CDC16: variants seen among roughly 807,000 people sequenced by gnomAD.
The protein encoded by CDC16 is cell division cycle 16.
A neutral mutation model predicts 87.0 loss-of-function variants in CDC16; 34 were observed. That is an observed-to-expected ratio of 0.39 (90% CI 0.30 to 0.52). The LOEUF (loss-of-function observed/expected upper bound fraction) is 0.52, where lower values mean the gene tolerates loss of function less well. CDC16 is among the 20% of genes least tolerant of loss of function. The pLI, the probability that CDC16 is intolerant of heterozygous loss-of-function variation, is 0.74. For missense variants in CDC16, 653 were observed against 751.9 expected (o/e 0.87, Z 1.54); for synonymous variants, 263 against 260.6 (o/e 1.01, Z -0.09).
intron 1 of CDC16, 46 bp from the exon 2 acceptor site, chr13:114,236,597 ATT>A (rs747949412): frequency 3.2e-6 from 5 of 1,552,546 alleles, no homozygotes; most frequent in Non-Finnish European, 4.4e-6. Flanking sequence ...GTTTAAGACT[ATT>A]AAAATAACAG....
chr13:114,239,253 A>G (rs2138865566), intron 4 of CDC16, 97 bp from the exon 5 acceptor site: 1 of 1,497,780 alleles, frequency 6.7e-7, no homozygotes, highest in Non-Finnish European at 9.0e-7. Context: ...TCACATTTAA[A>G]TAATGGGCAT....
rs2081403490 is a variant in CDC16 at position 114,238,988 on chromosome 13, A to C, written c.202-2A>C. On this transcript the variant is annotated splice_acceptor_variant, in intron 3 of 17. Coordinates refer to ENST00000356221, the MANE Select transcript of CDC16 (RefSeq NM_001078645.3). LOFTEE classifies it high-confidence loss of function. ...ACTTAAACAAATTAATTTCTTTCCT[A>C]GTTGTATGAAGCATGTCGTTACCTT... The C allele has an allele frequency of 6.2e-7, 1 of 1,609,758 alleles. No homozygotes were observed. Among genetic ancestry groups the C allele is most frequent in the African/African-American group, 1.3e-5 (1 of 74,834 alleles).
intron 16 of CDC16, chr13:114,264,144 A>G (rs1233580805): frequency 6.6e-6 from 1 of 152,210 alleles, no homozygotes; most frequent in Non-Finnish European, 1.5e-5. Flanking sequence ...TCACCAGAAC[A>G]CTGAGTTTGT....
At chr13:114,254,507 T>G (rs903068812) in intron 12 of CDC16, among the ~76,000 whole-genome samples, 3 of 152,224 alleles carry the variant, frequency 2.0e-5, no homozygotes, top group Non-Finnish European at 1.5e-5. Context: ...CCGATATAGC[T>G]GTTTCCTCTT....
rs1392689389 is a variant in CDC16, at chr13:114,262,949, T to A, written c.1447T>A (p.Ser483Thr). ...VLIPQNASTY[S>T]AIGYIHSLMG... ...GATTCCTCAGAACGCATCCACCTACTCTGCTATTGGATATATCCACAGTCT... is the reference window on the plus strand; with the variant it reads ...GATTCCTCAGAACGCATCCACCTACACTGCTATTGGATATATCCACAGTCT... Residue 483 changes from serine (S) to threonine (T), a missense_variant, in exon 16 of 18, where the codon TCT (serine) becomes ACT (threonine). Transcript: ENST00000356221. 1 of 1,613,086 alleles carries A rather than the reference T, an allele frequency of 6.2e-7. No homozygotes were observed. Among genetic ancestry groups the A allele is most frequent in the Non-Finnish European group, 8.5e-7 (1 of 1,178,980 alleles).
Position 114,238,968 on chromosome 13 carries a change from AAC to A in CDC16, c.202-20_202-19del. The A allele has an allele frequency of 1.9e-6, 3 of 1,607,008 alleles. No homozygotes were observed. The highest frequency in any genetic ancestry group is 2.6e-6 in the Non-Finnish European group (3 of 1,175,322). ...TACATATTATTTTGACCACTACTTA[AAC>A]AAATTAATTTCTTTCCTAGTTGTAT... On this transcript the variant is annotated intron_variant, in intron 3 of 17. Coordinates refer to ENST00000356221, the MANE Select transcript of CDC16 (RefSeq NM_001078645.3).
intron 8 of CDC16, among the ~76,000 whole-genome samples, chr13:114,244,198 TG>T (rs2081720300): frequency 6.6e-6 from 1 of 152,244 alleles, no homozygotes; most frequent in Admixed American, 6.5e-5. Flanking sequence ...TACATTAACT[TG>T]GGAGGGATAT....
intron 17 of CDC16, among the ~76,000 whole-genome samples, chr13:114,269,449 C>A (rs1430846517): frequency 2.0e-5 from 3 of 152,034 alleles, no homozygotes; most frequent in African/African-American, 7.3e-5. Flanking sequence ...GATGATTGAC[C>A]ATACTGATTT....
At chr13:114,266,118 C>T (rs1206590765) in intron 17 of CDC16, among the ~76,000 whole-genome samples, 1 of 152,166 alleles carries the variant, frequency 6.6e-6, no homozygotes, top group Non-Finnish European at 1.5e-5. Flanking sequence ...CGCCCAGCCC[C>T]TACTAAAGTA....
chr13:114,235,100 C>T lies in CDC16; in HGVS notation c.16C>T (p.Leu6=), dbSNP rs1050092233. 5 of 1,245,626 alleles carry T rather than the reference C, an allele frequency of 4.0e-6. No individual in the cohort carries two copies. Among genetic ancestry groups the T allele is most frequent in the Non-Finnish European group, 2.0e-6 (2 of 995,424 alleles). 77.2% of individuals were successfully genotyped at this position (1,245,626 alleles called of 1,614,324 possible). ...CCGCGCCGCCATGAACCTAGAGCGG[C>T]TGCGGAAGCGCGTCCGGCAGTACCT... The part of the protein sequence containing the change: MNLER[L]RKRVRQYLDQ... The change falls in exon 1 of 18, where the codon CTG becomes TTG. Residue 6 remains leucine (L), a synonymous_variant. Coordinates refer to ENST00000356221, the MANE Select transcript of CDC16 (RefSeq NM_001078645.3).
Position 114,272,313 on chromosome 13 carries a change from C to T in CDC16, c.1733C>T (p.Thr578Met), listed in dbSNP as rs773269949. The change falls in exon 18 of 18, where the codon ACG becomes ATG. Residue 578 changes from threonine (T) to methionine (M), a missense_variant. Physicochemically the swap from Thr to Met is moderately conservative, Grantham distance 81 (BLOSUM62 -1). Transcript: ENST00000356221. ...GTAGAAAAACAGACTGCAGAAGAAA[C>T]GGGGCTTACGCCATTGGAAACCTCA... The part of the protein sequence containing the change: ...FEVEKQTAEE[T>M]GLTPLETSRK... 22 of 1,614,184 alleles carry T rather than the reference C, an allele frequency of 1.4e-5. No homozygotes were observed. In the Middle Eastern group the frequency reaches 5.0e-4, roughly 36 times the overall value.
chr13:114,253,372 C>T (rs190205907), intron 12 of CDC16, among the ~76,000 whole-genome samples: 57 of 152,024 alleles, frequency 3.7e-4, no homozygotes, highest in African/African-American at 1.2e-3. Flanking sequence ...GAACATACTT[C>T]GTGTGATTTT....
At chr13:114,270,868 TAATG>T (rs1206318684) in intron 17 of CDC16, among the ~76,000 whole-genome samples, 9 of 151,508 alleles carry the variant, frequency 5.9e-5, no homozygotes, top group Non-Finnish European at 7.4e-5. Flanking sequence ...AGAGAGTTGA[TAATG>T]AGTCAGAGGG....
At chr13:114,264,568 G>T (rs2083072134) in intron 16 of CDC16, among the ~76,000 whole-genome samples, 1 of 150,928 alleles carries the variant, frequency 6.6e-6, no homozygotes. Context: ...CAAAAAAAAA[G>T]GAAAAAAATA....
intron 16 of CDC16, among the ~76,000 whole-genome samples, chr13:114,264,671 GTACGATCTCGGCTCACTGC>G (rs2083080887): frequency 6.6e-6 from 1 of 151,250 alleles, no homozygotes; most frequent in African/African-American, 2.4e-5. Context: ...GAGTGCAGTG[GTACGATCTCGGCTCACTGC>G]AACCTCCACC....
intron 4 of CDC16, 143 bp from the exon 5 acceptor site, chr13:114,239,207 G>T: frequency 7.1e-7 from 1 of 1,408,396 alleles, no homozygotes; most frequent in Non-Finnish European, 9.6e-7. Context: ...TTTACCACAT[G>T]CTGACATGCA....
intron 11 of CDC16, 58 bp from the exon 12 acceptor site, chr13:114,250,491 C>CAAA (rs59513608): frequency 2.8e-4 from 344 of 1,247,306 alleles, no homozygotes; most frequent in African/African-American, 1.1e-3. Flanking sequence ...GACTTTGTCT[C>CAAA]AAAAAAAAAA....
At chr13:114,252,136 A>ATAAGAGCCCTACACTG (rs2082223114) in intron 12 of CDC16, among the ~76,000 whole-genome samples, 1 of 146,880 alleles carries the variant, frequency 6.8e-6, no homozygotes, top group East Asian at 2.2e-4. Flanking sequence ...GCCCTACACT[A>ATAAGAGCCCTACACTG]GCCCTGTTGG....
intron 5 of CDC16, 78 bp downstream of exon 5, chr13:114,239,568 T>G (rs2081441447): frequency 1.5e-6 from 2 of 1,376,116 alleles, no homozygotes; most frequent in Middle Eastern, 4.7e-4. Context: ...CATTATCTTC[T>G]TTTACTTATT....
Sources: gnomAD v4.1 joint callset for allele counts (sites outside exome capture counted in the v4.1 genomes callset) on GRCh38, gnomAD v4.1.1 for gene constraint, MANE v1.5 for transcripts, NCBI Gene and HGNC (gene_info 2026-07-23, HGNC 2026-07-21) for gene names.